Variants in OR9Q1 observed in about 807,000 individuals in gnomAD.
OR9Q1 encodes olfactory receptor family 9 subfamily Q member 1.
For synonymous variants in OR9Q1, 153 were observed against 148.6 expected, an observed-to-expected ratio of 1.03 and a Z score of -0.22; for missense variants, 374 against 378.8, an observed-to-expected ratio of 0.99 and a Z score of 0.11.
intron 2 of OR9Q1, among the ~76,000 whole-genome samples, chr11:58,139,566 G>A (rs1275153093): frequency 1.3e-5 from 2 of 152,060 alleles, no homozygotes; most frequent in South Asian, 2.1e-4. Flanking sequence ...AGTTTGCTGA[G>A]AATGATGGTT....
At chr11:58,095,639 A>G (rs538856138) in intron 2 of OR9Q1, among the ~76,000 whole-genome samples, 3 of 152,248 alleles carry the variant, frequency 2.0e-5, no homozygotes, top group South Asian at 4.1e-4. Context: ...AAACCATCAG[A>G]TCTCATGAGA....
intron 1 of OR9Q1, among the ~76,000 whole-genome samples, chr11:58,054,161 GA>G (rs780011378): frequency 1.3e-5 from 2 of 152,144 alleles, no homozygotes; most frequent in Non-Finnish European, 2.9e-5. Context: ...AGAAATAGTA[GA>G]AAAAGGAAGA....
chr11:58,044,183 C>T (rs1197609262), intron 1 of OR9Q1: 2 of 152,180 alleles, frequency 1.3e-5, no homozygotes, highest in Non-Finnish European at 2.9e-5. Flanking sequence ...ACATTGACAT[C>T]TTCTTTTTGG....
At chr11:58,134,022 T>C (rs1470407772) in intron 2 of OR9Q1, among the ~76,000 whole-genome samples, 1 of 152,170 alleles carries the variant, frequency 6.6e-6, no homozygotes. Flanking sequence ...CAAGCTACTT[T>C]CTGTGAGTGC....
At chr11:58,096,012 A>G (rs527431598) in intron 2 of OR9Q1, among the ~76,000 whole-genome samples, 2 of 152,272 alleles carry the variant, frequency 1.3e-5, no homozygotes, top group Non-Finnish European at 2.9e-5. Context: ...AAAATTTGGG[A>G]CAAATGTTAC....
intron 2 of OR9Q1, among the ~76,000 whole-genome samples, chr11:58,121,774 C>T (rs758001215): frequency 1.3e-5 from 2 of 152,182 alleles, no homozygotes; most frequent in Admixed American, 6.5e-5. Context: ...ATGGGGATTG[C>T]TATTTTTGAT....
Position 58,048,496 on chromosome 11 carries a change from C to CA in OR9Q1, c.-92-7357dup, listed in dbSNP as rs11335783. ...TGAAACCCCACCTCTACTAAAAATA[C>CA]AAAAAAAAAAAAAAAAATAGCCGGG... On this transcript the variant is annotated intron_variant, in intron 1 of 2. Coordinates refer to ENST00000335397, the MANE Select transcript of OR9Q1 (RefSeq NM_001005212.4). Among the ~76,000 whole-genome samples, 1,078 of 123,434 alleles carry CA rather than the reference C, an allele frequency of 8.7e-3. 24 individuals are homozygous for CA. Among genetic ancestry groups the CA allele is most frequent in the African/African-American group, 0.03 (980 of 32,850 alleles). The allele number at this position is 123,434 out of a possible 152,430, so 81.0% of individuals were successfully genotyped here.
At chr11:58,109,725 TTTG>T in intron 2 of OR9Q1, 1 of 374,080 alleles carries the variant, frequency 2.7e-6, no homozygotes, top group Non-Finnish European at 5.3e-6. Context: ...ACTAAAGGTC[TTTG>T]CTTTCTTCAG....
chr11:58,154,187 A>AGGAGGAGAAGGG (rs1412691432), intron 2 of OR9Q1, among the ~76,000 whole-genome samples: 1 of 149,582 alleles, frequency 6.7e-6, no homozygotes, highest in African/African-American at 2.5e-5. Context: ...GAGGGGAAGG[A>AGGAGGAGAAGGG]GGAGGAGAAG....
chr11:58,106,340 A>G (rs1008034101), intron 2 of OR9Q1, among the ~76,000 whole-genome samples: 79 of 151,698 alleles, frequency 5.2e-4, no homozygotes, highest in African/African-American at 1.9e-3. Flanking sequence ...TTTTAATTGT[A>G]TTATTTATTT....
At chr11:58,110,095 T>G (rs964813055) in intron 2 of OR9Q1, among the ~76,000 whole-genome samples, 4 of 152,176 alleles carry the variant, frequency 2.6e-5, no homozygotes, top group African/African-American at 9.7e-5. Context: ...ACAGATGTCA[T>G]GTGAATGGTG....
intron 2 of OR9Q1, among the ~76,000 whole-genome samples, chr11:58,156,663 A>G (rs1711001513): frequency 6.6e-6 from 1 of 152,234 alleles, no homozygotes; most frequent in African/African-American, 2.4e-5. Flanking sequence ...TAGCAAATGG[A>G]ACAACATTGT....
At chr11:58,076,320 C>A (rs1030860695) in intron 2 of OR9Q1, among the ~76,000 whole-genome samples, 1 of 152,132 alleles carries the variant, frequency 6.6e-6, no homozygotes, top group African/African-American at 2.4e-5. Flanking sequence ...TTGTGTGGGG[C>A]TTCAATCTCA....
chr11:58,085,589 C>T (rs11229251), intron 2 of OR9Q1, among the ~76,000 whole-genome samples: 19,357 of 151,714 alleles, frequency 0.13, 1,531 homozygotes, highest in South Asian at 0.19. Flanking sequence ...AAATACCTCT[C>T]TATTCTATGC....
intron 2 of OR9Q1, chr11:58,171,029 G>A (rs907084644): frequency 6.6e-6 from 1 of 152,122 alleles, no homozygotes; most frequent in South Asian, 2.1e-4. Context: ...TAAGGAACAT[G>A]GAATATTGAG....
intron 2 of OR9Q1, among the ~76,000 whole-genome samples, chr11:58,141,562 A>T (rs1854249301): frequency 6.6e-6 from 1 of 152,184 alleles, no homozygotes; most frequent in Non-Finnish European, 1.5e-5. Context: ...CATCCCAGGG[A>T]TGAGGCCCAC....
intron 1 of OR9Q1, chr11:58,026,925 T>A (rs1388772807): frequency 6.6e-6 from 1 of 152,246 alleles, no homozygotes; most frequent in East Asian, 1.9e-4. Flanking sequence ...GTTCTCCATA[T>A]ATCAATCCAA....
chr11:58,161,309 G>A (rs1854455648), intron 2 of OR9Q1, among the ~76,000 whole-genome samples: 1 of 151,914 alleles, frequency 6.6e-6, no homozygotes, highest in Non-Finnish European at 1.5e-5. Context: ...GGGAACTGTG[G>A]GCTTAAATGT....
At chr11:58,081,918 T>G (rs1015800263) in intron 2 of OR9Q1, among the ~76,000 whole-genome samples, 1 of 152,064 alleles carries the variant, frequency 6.6e-6, no homozygotes, top group Non-Finnish European at 1.5e-5. Context: ...TTGACCTTTC[T>G]ATCAGATAAA....
Sources: allele counts gnomAD v4.1 joint callset (sites outside exome capture counted in the v4.1 genomes callset), GRCh38; gene constraint gnomAD v4.1.1; transcripts MANE v1.5; gene names NCBI Gene and HGNC (gene_info 2026-07-23, HGNC 2026-07-21).